The following ASIC2 variants were observed in gnomAD, a reference collection of about 807,000 sequenced individuals.
ASIC2 encodes the protein acid sensing ion channel subunit 2.
A neutral mutation model predicts 57.3 loss-of-function variants in ASIC2; 25 were observed. The observed-to-expected ratio is 0.44, with a 90% confidence interval of 0.32 to 0.61. The LOEUF is 0.61. Among genes scored for constraint, ASIC2 ranks in the 20% least tolerant of loss-of-function variants. The pLI is 0.06. For synonymous variants in ASIC2, 319 were observed against 307.5 expected (o/e 1.04, Z -0.39); for missense variants, 641 against 738.1 (o/e 0.87, Z 1.52).
chr17:33,600,901 G>GCCA (rs1435811912), intron 1 of ASIC2, among the ~76,000 whole-genome samples: 1 of 152,174 alleles, frequency 6.6e-6, no homozygotes, highest in African/African-American at 2.4e-5. Flanking sequence ...TGGAATAAAG[G>GCCA]CCATCCCTTT....
intron 1 of ASIC2, among the ~76,000 whole-genome samples, chr17:33,273,233 T>G (rs1156775300): frequency 6.6e-6 from 1 of 152,218 alleles, no homozygotes; most frequent in Non-Finnish European, 1.5e-5. Flanking sequence ...AAAAAATAGA[T>G]TACTAGTGAC....
chr17:33,017,989 G>T (rs1046053209), intron 7 of ASIC2, among the ~76,000 whole-genome samples: 1 of 152,208 alleles, frequency 6.6e-6, no homozygotes, highest in African/African-American at 2.4e-5. Context: ...CACCGATTGG[G>T]TCCTGTTTTG....
chr17:33,267,942 G>C (rs1909532296), intron 1 of ASIC2, among the ~76,000 whole-genome samples: 1 of 152,122 alleles, frequency 6.6e-6, no homozygotes, highest in African/African-American at 2.4e-5. Context: ...TCTTCTTTTG[G>C]TCACAAGATC....
At chr17:33,016,078 G>C (rs2091804186) in intron 8 of ASIC2, 39 bp from the exon 9 acceptor site, 3 of 1,605,714 alleles carry the variant, frequency 1.9e-6, no homozygotes, top group Non-Finnish European at 1.7e-6. Context: ...AGGCCGGGAA[G>C]AGGGTGCAGA....
At chr17:33,245,613 C>G (rs1003796353) in intron 1 of ASIC2, among the ~76,000 whole-genome samples, 2 of 152,186 alleles carry the variant, frequency 1.3e-5, no homozygotes, top group Non-Finnish European at 2.9e-5. Flanking sequence ...ATGACAGGAA[C>G]TGATATGCCT....
intron 1 of ASIC2, among the ~76,000 whole-genome samples, chr17:33,125,599 C>A (rs937769785): frequency 1.3e-5 from 2 of 152,152 alleles, no homozygotes; most frequent in African/African-American, 4.8e-5. Context: ...GACATGGACA[C>A]CAACCTCAGG....
intron 3 of ASIC2, among the ~76,000 whole-genome samples, chr17:33,044,978 A>G (rs188018563): frequency 3.7e-4 from 56 of 152,258 alleles, no homozygotes; most frequent in South Asian, 2.1e-4. Flanking sequence ...GGTAGAGGAT[A>G]CTGCATGTGC....
chr17:33,673,489 G>C (rs1445200316), intron 1 of ASIC2, among the ~76,000 whole-genome samples: 1 of 152,204 alleles, frequency 6.6e-6, no homozygotes, highest in African/African-American at 2.4e-5. Context: ...AGAATCATCT[G>C]ATGCAAACCC....
At position 33,864,319 on chromosome 17, in the gene ASIC2, G is replaced by A. The variant is rs559236885; in HGVS notation, c.555+291659C>T. Among the ~76,000 whole-genome samples, 5 of 152,212 alleles carry A rather than the reference G, an allele frequency of 3.3e-5. No individual in the cohort carries two copies. The South Asian group carries it at 6.2e-4, about 19-fold the overall frequency. On this transcript the variant is annotated intron_variant, in intron 1 of 9. Coordinates refer to the ASIC2 transcript ENST00000359872. ...AAAAGTCAATTTAAAGAAAAATGTC[G>A]TATAAATAATAGCGTAGGAAGCATG...
At chr17:34,044,497 G>C (rs1007693798) in intron 1 of ASIC2, among the ~76,000 whole-genome samples, 9 of 152,136 alleles carry the variant, frequency 5.9e-5, no homozygotes, top group African/African-American at 1.9e-4. Context: ...TTTGAAAGCG[G>C]CCAGGCGTTC....
At position 33,032,440 on chromosome 17, in the gene ASIC2, G is replaced by GTTTTTTTTTTTTTT. The variant is rs60183644; in HGVS notation, c.988-4062_988-4049dup. 8.2e-4 allele frequency among the ~76,000 whole-genome samples: 77 copies of GTTTTTTTTTTTTTT among 94,118 alleles called. 14 individuals carry two copies. Among genetic ancestry groups the GTTTTTTTTTTTTTT allele is most frequent in the African/African-American group, 2.2e-3 (47 of 21,324 alleles). The allele number at this position is 94,118 out of a possible 152,430, so 61.7% of individuals were successfully genotyped here. A position where few individuals can be genotyped will look rare whatever the true frequency, so the allele number is the denominator to read the frequency against. ...TCTGTTATAAGCACTATAATACACT[G>GTTTTTTTTTTTTTT]TTTTTTTTTTTTTTTTTTTTTTTTT... is the stretch of plus-strand genomic sequence containing the variant. On this transcript the variant is annotated intron_variant, in intron 3 of 9. Transcript: ENST00000225823.
Position 33,715,743 on chromosome 17 carries a change from CA to C in ASIC2, c.555+440234del, listed in dbSNP as rs1293158671. ...ATGGCATCTTTTCCATCTCTTTCAGCAATCAGTTCTAGGGGATAACATCTCC... is the reference window on the plus strand; with the variant it reads ...ATGGCATCTTTTCCATCTCTTTCAGCATCAGTTCTAGGGGATAACATCTCC... On this transcript the variant is annotated intron_variant, in intron 1 of 9. Transcript: ENST00000359872. Among the ~76,000 whole-genome samples the C allele has an allele frequency of 1.3e-5, 2 of 152,154 alleles. 1 individual carries two copies. The highest frequency in any genetic ancestry group is 2.9e-5 in the Non-Finnish European group (2 of 68,026).
At chr17:33,017,734 G>A in intron 7 of ASIC2, 50 bp from the exon 8 acceptor site, 1 of 1,553,692 alleles carries the variant, frequency 6.4e-7, no homozygotes, top group Non-Finnish European at 8.9e-7. Context: ...CAGCTTCCAG[G>A]AAGGGTGAAC....
At chr17:33,753,274 G>A (rs1296973734) in intron 1 of ASIC2, among the ~76,000 whole-genome samples, 1 of 152,118 alleles carries the variant, frequency 6.6e-6, no homozygotes, top group East Asian at 1.9e-4. Context: ...GAGACAGTAA[G>A]AAAATCAGTG....
chr17:33,256,111 C>T (rs2142138560), intron 1 of ASIC2, among the ~76,000 whole-genome samples: 1 of 152,234 alleles, frequency 6.6e-6, no homozygotes, highest in South Asian at 2.1e-4. Context: ...ATTTCTTAAG[C>T]TACAGATATG....
rs371504037 is a variant in ASIC2, at chr17:33,131,105, A to G, written c.709-19038T>C. Among the ~76,000 whole-genome samples the G allele has an allele frequency of 4.8e-4, 73 of 152,268 alleles. No individual in the cohort carries two copies. In the East Asian group the frequency reaches 6.4e-3, roughly 13 times the overall value. On this transcript the variant is annotated intron_variant, in intron 1 of 9. Coordinates refer to ENST00000225823, the MANE Select transcript of ASIC2 (RefSeq NM_183377.2). The stretch of plus-strand genomic sequence containing the variant: ...GCCTACTATGCTTATTGTGGTTATT[A>G]TTATTTACAAAGGGGAGACGAGCCC...
intron 1 of ASIC2, among the ~76,000 whole-genome samples, chr17:34,131,925 T>G (rs1163802289): frequency 2.0e-5 from 3 of 152,212 alleles, no homozygotes; most frequent in Non-Finnish European, 4.4e-5. Flanking sequence ...GAGGGACATT[T>G]AGGAACTCTG....
At chr17:33,972,655 T>C (rs62057454) in intron 1 of ASIC2, among the ~76,000 whole-genome samples, 31,898 of 152,244 alleles carry the variant, frequency 0.21, 3,691 homozygotes, top group African/African-American at 0.29. Context: ...GCTCAATTAG[T>C]TGTCTGTGAT....
rs148455729 is a variant in ASIC2 at position 33,637,592 on chromosome 17, C to A, written c.555+518386G>T. Among the ~76,000 whole-genome samples the A allele has an allele frequency of 1.1e-3, 160 of 152,272 alleles. 2 individuals are homozygous for A. The Middle Eastern group carries it at 0.024, about 23-fold the overall frequency. On this transcript the variant is annotated intron_variant, in intron 1 of 9. Coordinates refer to the ASIC2 transcript ENST00000359872. ...TCCCACTCCAGTGGCTATAAACAGC[C>A]ACACATATACACCTTAAAACATCAT...
Sources: allele counts gnomAD v4.1 joint callset (sites outside exome capture counted in the v4.1 genomes callset), GRCh38; gene constraint gnomAD v4.1.1; transcripts MANE v1.5; gene names NCBI Gene and HGNC (gene_info 2026-07-23, HGNC 2026-07-21).